Variants in ZNF536 observed in about 807,000 individuals in gnomAD.
ZNF536 encodes zinc finger protein 536.
ZNF536 carries 13 observed loss-of-function variants against 84.5 expected under a neutral mutation model. The ratio of observed to expected loss-of-function variants is 0.15; its 90% CI spans 0.10 to 0.24. The LOEUF (loss-of-function observed/expected upper bound fraction) is 0.24, where lower values mean the gene tolerates loss of function less well. Among genes scored for constraint, ZNF536 ranks in the 10% least tolerant of loss-of-function variants. ZNF536 has a pLI of 1.00. For synonymous variants in ZNF536, 811 were observed against 742.5 expected, an observed-to-expected ratio of 1.09 and a Z score of -1.50; for missense variants, 1,536 against 1,747.5, an observed-to-expected ratio of 0.88 and a Z score of 2.16.
At chr19:30,436,478 A>G (rs1302475083) in intron 1 of ZNF536, 1 of 985,170 alleles carries the variant, frequency 1.0e-6, no homozygotes, top group African/African-American at 1.7e-5. Context: ...AGATCAAAAA[A>G]AAAAAATGCA....
At chr19:30,711,003 C>A (rs1049353790) in exon 2 of ZNF536, 1 of 152,202 alleles carries the variant, frequency 6.6e-6, no homozygotes, top group Non-Finnish European at 1.5e-5. Context: ...ACCAACTGAG[C>A]AGACCAACCT....
rs146878988 is a variant in ZNF536 at position 30,622,591 on chromosome 19, G to C, written c.169+73077G>C. Among the ~76,000 whole-genome samples, 256 of 152,180 alleles carry C rather than the reference G, an allele frequency of 1.7e-3. 1 individual carries two copies. Among genetic ancestry groups the C allele is most frequent in the African/African-American group, 5.7e-3 (236 of 41,412 alleles). ...TTTTTAAAAATAGTCCCTCTAGCAG[G>C]AGGCTTATTTGGGATGCTGTGCTTT... On this transcript the variant is annotated intron_variant, in intron 1 of 1. Coordinates refer to the ZNF536 transcript ENST00000592773.
At chr19:30,516,846 A>G (rs1306154369) in intron 2 of ZNF536, among the ~76,000 whole-genome samples, 2 of 152,106 alleles carry the variant, frequency 1.3e-5, no homozygotes, top group Non-Finnish European at 2.9e-5. Flanking sequence ...GGCTTCGTGA[A>G]GTGGTGATGA....
chr19:30,582,730 T>C (rs1377483044), intron 1 of ZNF536, among the ~76,000 whole-genome samples: 1 of 152,080 alleles, frequency 6.6e-6, no homozygotes, highest in Non-Finnish European at 1.5e-5. Context: ...ACGTCTTACA[T>C]GGCAGCAGAC....
intron 1 of ZNF536, among the ~76,000 whole-genome samples, chr19:30,404,908 G>A (rs779057621): frequency 3.3e-5 from 5 of 152,192 alleles, no homozygotes; most frequent in Non-Finnish European, 5.9e-5. Flanking sequence ...CAGGCTTCAC[G>A]TTGGGGTTCC....
intron 1 of ZNF536, among the ~76,000 whole-genome samples, chr19:30,695,051 A>G (rs1015080550): frequency 2.0e-5 from 3 of 151,880 alleles, no homozygotes; most frequent in Non-Finnish European, 4.4e-5. Context: ...AGAGCGTAGT[A>G]TTAATAGCTG....
At chr19:30,659,983 T>TTGTATG (rs1221722646) in intron 1 of ZNF536, among the ~76,000 whole-genome samples, 1 of 137,346 alleles carries the variant, frequency 7.3e-6, no homozygotes, top group Non-Finnish European at 1.5e-5. Context: ...GTGTGTGTGT[T>TTGTATG]TGTATGTGTT....
At chr19:30,446,194 A>AG (rs1425919122) in intron 2 of ZNF536, among the ~76,000 whole-genome samples, 3 of 142,082 alleles carry the variant, frequency 2.1e-5, no homozygotes, top group Non-Finnish European at 4.5e-5. Flanking sequence ...GGCTGCAGTG[A>AG]GCCAAGATCA....
intron 2 of ZNF536, among the ~76,000 whole-genome samples, chr19:30,531,636 T>G (rs1207101054): frequency 6.6e-6 from 1 of 151,952 alleles, no homozygotes; most frequent in African/African-American, 2.4e-5. Context: ...TCCATATATA[T>G]TTTTTTGAGA....
At chr19:30,592,654 G>GAA (rs1258786494) in intron 1 of ZNF536, among the ~76,000 whole-genome samples, 3 of 151,318 alleles carry the variant, frequency 2.0e-5, no homozygotes, top group African/African-American at 7.3e-5. Flanking sequence ...CTGTGGAAAT[G>GAA]AAAAGCAAAT....
At chr19:30,489,141 C>T (rs1371930972) in intron 2 of ZNF536, among the ~76,000 whole-genome samples, 1 of 152,166 alleles carries the variant, frequency 6.6e-6, no homozygotes. Flanking sequence ...GCAAGTCTTC[C>T]AAACCCAAAG....
At chr19:30,617,366 T>TTTTTTTTTTTTTTTTTTTTTTTTTTTA (rs869281886) in intron 1 of ZNF536, among the ~76,000 whole-genome samples, 1 of 115,916 alleles carries the variant, frequency 8.6e-6, no homozygotes, top group Non-Finnish European at 1.8e-5. Context: ...TTTTTTTTTT[T>TTTTTTTTTTTTTTTTTTTTTTTTTTTA]ATGAGATGGA....
chr19:30,399,299 T>C (rs2049950756), intron 1 of ZNF536, among the ~76,000 whole-genome samples: 1 of 152,214 alleles, frequency 6.6e-6, no homozygotes, highest in African/African-American at 2.4e-5. Flanking sequence ...AAGTTCTTTG[T>C]AGATTCTGCC....
chr19:30,231,514 G>A (rs2023041573), intron 1 of ZNF536, among the ~76,000 whole-genome samples: 1 of 152,222 alleles, frequency 6.6e-6, no homozygotes, highest in South Asian at 2.1e-4. Context: ...CTGTGGAGGA[G>A]TTGGAGGGAA....
intron 1 of ZNF536, among the ~76,000 whole-genome samples, chr19:30,283,502 G>C (rs1044016573): frequency 6.6e-6 from 1 of 152,202 alleles, no homozygotes; most frequent in African/African-American, 2.4e-5. Flanking sequence ...TTCCTGGTCT[G>C]GGTTCGGGAG....
intron 2 of ZNF536, among the ~76,000 whole-genome samples, chr19:30,480,656 G>A (rs1013244518): frequency 4.6e-5 from 7 of 152,112 alleles, no homozygotes; most frequent in Non-Finnish European, 8.8e-5. Flanking sequence ...CATGGCACAT[G>A]TATACCTATG....
chr19:30,291,630 T>G (rs958039873), intron 2 of ZNF536, among the ~76,000 whole-genome samples: 1 of 152,232 alleles, frequency 6.6e-6, no homozygotes, highest in African/African-American at 2.4e-5. Context: ...CTATGGTAAT[T>G]CCATGTTTAA....
At chr19:30,599,002 T>TC (rs1181221295) in intron 1 of ZNF536, among the ~76,000 whole-genome samples, 1 of 82,990 alleles carries the variant, frequency 1.2e-5, no homozygotes, top group Non-Finnish European at 2.3e-5. Flanking sequence ...CCTCCCTTCC[T>TC]CCTTCCCTCT....
At chr19:30,341,292 G>T (rs1317979188) in intron 2 of ZNF536, among the ~76,000 whole-genome samples, 1 of 152,214 alleles carries the variant, frequency 6.6e-6, no homozygotes, top group Non-Finnish European at 1.5e-5. Flanking sequence ...TGTTGAGATT[G>T]CAGTGATGTT....
Sources: allele counts gnomAD v4.1 joint callset (sites outside exome capture counted in the v4.1 genomes callset), GRCh38; gene constraint gnomAD v4.1.1; transcripts MANE v1.5; gene names NCBI Gene and HGNC (gene_info 2026-07-23, HGNC 2026-07-21).